DIP2B: variants seen among roughly 807,000 people sequenced by gnomAD.
The protein encoded by DIP2B is disco-interacting protein 2 homolog B.
DIP2B carries 76 observed loss-of-function variants against 198.0 expected under a neutral mutation model. The observed-to-expected ratio is 0.38, with a 90% CI of 0.32 to 0.46. The LOEUF (loss-of-function observed/expected upper bound fraction) is 0.46, where lower values mean the gene tolerates loss of function less well. DIP2B is among the 20% of genes least tolerant of loss of function. DIP2B has a pLI of 0.99. For missense variants in DIP2B, 1,559 were observed against 1,978.4 expected, an observed-to-expected ratio of 0.79 and a Z score of 4.02; for synonymous variants, 701 against 739.1, an observed-to-expected ratio of 0.95 and a Z score of 0.84.
chr12:50,512,486 G>A (rs1412391714), intron 1 of DIP2B, among the ~76,000 whole-genome samples: 11 of 151,958 alleles, frequency 7.2e-5, no homozygotes, highest in Non-Finnish European at 1.5e-5. Flanking sequence ...TTCTTATATT[G>A]TTTTAGGAAT....
At chr12:50,680,416 T>C (rs12427378) in intron 8 of DIP2B, 104,672 of 327,184 alleles carry the variant, frequency 0.32, 17,391 homozygotes, top group South Asian at 0.36. Flanking sequence ...ATTTGAAATA[T>C]TATGTAAACC....
intron 1 of DIP2B, among the ~76,000 whole-genome samples, chr12:50,528,326 C>T (rs1203395173): frequency 6.7e-6 from 1 of 149,942 alleles, no homozygotes; most frequent in African/African-American, 2.5e-5. Flanking sequence ...TTGATGTGAG[C>T]ACTGAATCAG....
intron 34 of DIP2B, 100 bp downstream of exon 34, chr12:50,735,230 G>C: frequency 7.5e-7 from 1 of 1,332,096 alleles, no homozygotes. Context: ...TCCAGGGCAA[G>C]CCTTAATTGA....
intron 3 of DIP2B, among the ~76,000 whole-genome samples, chr12:50,653,144 C>T (rs1938487721): frequency 6.6e-6 from 1 of 151,828 alleles, no homozygotes; most frequent in Non-Finnish European, 1.5e-5. Context: ...CTGTCAGGTC[C>T]TGGGCTTTTC....
chr12:50,648,037 C>T (rs764994898), intron 3 of DIP2B, among the ~76,000 whole-genome samples: 8 of 152,036 alleles, frequency 5.3e-5, no homozygotes, highest in Non-Finnish European at 1.0e-4. Flanking sequence ...ACCCAGGAGG[C>T]GGAGGTTGCA....
chr12:50,520,315 C>T (rs112194438), intron 1 of DIP2B, among the ~76,000 whole-genome samples: 2,710 of 152,142 alleles, frequency 0.018, 93 homozygotes, highest in African/African-American at 0.062. Context: ...GGACTACAGG[C>T]GTGAGCCACC....
intron 8 of DIP2B, 92 bp downstream of exon 8, chr12:50,678,968 C>T: frequency 7.3e-7 from 1 of 1,377,882 alleles, no homozygotes; most frequent in Non-Finnish European, 1.0e-6. Context: ...CAGTTGCTGG[C>T]CATTATGTTT....
intron 3 of DIP2B, among the ~76,000 whole-genome samples, chr12:50,653,913 G>A (rs1475051026): frequency 6.6e-6 from 1 of 151,866 alleles, no homozygotes; most frequent in East Asian, 1.9e-4. Flanking sequence ...TTACTCTGTT[G>A]CCCAGGCTGG....
chr12:50,552,391 C>G (rs1038386036), intron 1 of DIP2B, among the ~76,000 whole-genome samples: 13 of 151,824 alleles, frequency 8.6e-5, no homozygotes, highest in Non-Finnish European at 2.9e-5. Context: ...CTCAGCCTCC[C>G]GAGTAGCTGG....
chr12:50,640,978 T>C, intron 3 of DIP2B, 126 bp downstream of exon 3: 1 of 1,159,250 alleles, frequency 8.6e-7, no homozygotes, highest in Non-Finnish European at 1.2e-6. Context: ...TTATATTAAC[T>C]CATTCACCAA....
At chr12:50,719,226 G>A (rs1183639418) in intron 25 of DIP2B, among the ~76,000 whole-genome samples, 191 bp downstream of exon 25, 1 of 152,174 alleles carries the variant, frequency 6.6e-6, no homozygotes, top group African/African-American at 2.4e-5. Flanking sequence ...ACCTCCTGGA[G>A]TGCTATGTAA....
intron 9 of DIP2B, 142 bp downstream of exon 9, chr12:50,680,905 C>A: frequency 1.2e-6 from 1 of 835,730 alleles, no homozygotes; most frequent in Non-Finnish European, 1.9e-6. Flanking sequence ...GGTTTGGTTC[C>A]AACGCAGGTT....
chr12:50,638,771 G>A (rs1298639624), intron 2 of DIP2B, among the ~76,000 whole-genome samples: 1 of 151,846 alleles, frequency 6.6e-6, no homozygotes, highest in East Asian at 1.9e-4. Flanking sequence ...GTCCTCCCAT[G>A]CCCCCATACT....
intron 1 of DIP2B, among the ~76,000 whole-genome samples, chr12:50,523,842 A>C (rs1303884139): frequency 6.6e-6 from 1 of 152,172 alleles, no homozygotes; most frequent in East Asian, 1.9e-4. Flanking sequence ...TTTTAAAATA[A>C]ATTTACTAGG....
Position 50,540,608 on chromosome 12 carries a change from G to T in DIP2B, c.100+35368G>T, listed in dbSNP as rs530194400. Among the ~76,000 whole-genome samples, 358 of 149,942 alleles carry T rather than the reference G, an allele frequency of 2.4e-3. 1 individual carries two copies. The highest frequency in any genetic ancestry group is 8.4e-3 in the African/African-American group (344 of 40,768). On this transcript the variant is annotated intron_variant, in intron 1 of 37. Coordinates refer to ENST00000301180, the MANE Select transcript of DIP2B (RefSeq NM_173602.3). ...CTGTCACCCAGGCTGGAGTGCAGTG[G>T]TGCGATCTCGGCTCACTGCAAGCTC...
intron 1 of DIP2B, among the ~76,000 whole-genome samples, chr12:50,560,707 C>T (rs1031160067): frequency 9.9e-5 from 15 of 152,080 alleles, no homozygotes; most frequent in South Asian, 4.1e-4. Context: ...GCTGAGGTTG[C>T]GCCACTGCGC....
At chr12:50,648,102 A>G (rs1938382400) in intron 3 of DIP2B, among the ~76,000 whole-genome samples, 1 of 152,044 alleles carries the variant, frequency 6.6e-6, no homozygotes, top group Admixed American at 6.5e-5. Flanking sequence ...CGATGCTCCA[A>G]CACTCCGTCT....
At chr12:50,546,849 GAAA>G (rs1440821815) in intron 1 of DIP2B, among the ~76,000 whole-genome samples, 1 of 152,042 alleles carries the variant, frequency 6.6e-6, no homozygotes, top group Non-Finnish European at 1.5e-5. Flanking sequence ...AGTAAAGAAA[GAAA>G]AATAAATGAG....
At chr12:50,732,561 T>C in intron 32 of DIP2B, 25 bp downstream of exon 32, 1 of 1,613,088 alleles carries the variant, frequency 6.2e-7, no homozygotes. Context: ...ATCTTGTCTG[T>C]TGACAAATGG....
Sources: gnomAD v4.1 joint callset for allele counts (sites outside exome capture counted in the v4.1 genomes callset) on GRCh38, gnomAD v4.1.1 for gene constraint, MANE v1.5 for transcripts, NCBI Gene and HGNC (gene_info 2026-07-23, HGNC 2026-07-21) for gene names.